The following RIMKLB variants were observed in gnomAD, a reference collection of about 807,000 sequenced individuals.
RIMKLB encodes beta-citrylglutamate synthase B.
A neutral mutation model predicts 32.0 loss-of-function variants in RIMKLB; 7 were observed. The observed-to-expected ratio is 0.22, with a 90% CI of 0.12 to 0.41. The LOEUF (loss-of-function observed/expected upper bound fraction) is 0.41, where lower values mean the gene tolerates loss of function less well. Ranked by LOEUF, RIMKLB falls within the 10% of genes least tolerant of loss-of-function variation. RIMKLB has a pLI of 1.00. For missense variants in RIMKLB, 289 were observed against 498.7 expected (o/e 0.58, Z 4.00); for synonymous variants, 172 against 185.1 (o/e 0.93, Z 0.57).
chr12:8,751,911 T>C (rs1474116294), intron 3 of RIMKLB, 46 bp from the exon 4 acceptor site: 5 of 1,217,058 alleles, frequency 4.1e-6, no homozygotes, highest in Non-Finnish European at 6.1e-6. Flanking sequence ...GATCACAAAA[T>C]ACTTCTGCTG....
At chr12:8,781,965 T>A (rs1951089089), downstream of RIMKLB, among the ~76,000 whole-genome samples, 1 of 152,112 alleles carries the variant, frequency 6.6e-6, no homozygotes, top group Non-Finnish European at 1.5e-5. Context: ...GTATGATCAG[T>A]TGGACAGAAA....
At chr12:8,715,930 A>G (rs1208394216) in intron 2 of RIMKLB, among the ~76,000 whole-genome samples, 2 of 152,198 alleles carry the variant, frequency 1.3e-5, no homozygotes, top group East Asian at 3.8e-4. Context: ...TGCTTGTTCA[A>G]CTTACACAGC....
At chr12:8,780,157 CT>C (rs1950947960), downstream of RIMKLB, 1 of 152,180 alleles carries the variant, frequency 6.6e-6, no homozygotes, top group African/African-American at 2.4e-5. Context: ...CTTTAAAAAA[CT>C]TTTATATTGC....
At chr12:8,743,706 A>G (rs1384422625) in intron 2 of RIMKLB, among the ~76,000 whole-genome samples, 1 of 151,846 alleles carries the variant, frequency 6.6e-6, no homozygotes, top group East Asian at 1.9e-4. Context: ...AACAGCAGCA[A>G]CCTTTTAATA....
At chr12:8,777,649 T>C, downstream of RIMKLB, 1 of 1,289,278 alleles carries the variant, frequency 7.8e-7, no homozygotes, top group Non-Finnish European at 1.0e-6. Context: ...GAGAAAAAAC[T>C]TTCCTTCTTC....
Position 8,736,384 on chromosome 12 carries a change from G to A in RIMKLB, c.176-13478G>A, listed in dbSNP as rs78090002. 9.6e-4 allele frequency among the ~76,000 whole-genome samples: 146 copies of A among 152,074 alleles called. 1 individual carries two copies. In the East Asian group the frequency reaches 0.025, roughly 26 times the overall value. ...GTTGCAAAAATAATACAAATAGCTC[G>A]TATATACTGTTTATTCAGTTTTCAC... On this transcript the variant is annotated intron_variant, in intron 2 of 5. Transcript: ENST00000535829.
At chr12:8,752,133 T>C in intron 4 of RIMKLB, 90 bp downstream of exon 4, 1 of 822,108 alleles carries the variant, frequency 1.2e-6, no homozygotes, top group Non-Finnish European at 2.0e-6. Flanking sequence ...TAGAGGGAAA[T>C]TGTTAGATGC....
At chr12:8,765,420 A>G (rs61187268) in intron 5 of RIMKLB, among the ~76,000 whole-genome samples, 2,101 of 152,222 alleles carry the variant, frequency 0.014, 42 homozygotes, top group African/African-American at 0.046. Context: ...CTGAGATACC[A>G]GAGATCACCA....
Position 8,776,318 on chromosome 12 carries a change from C to T in RIMKLB, c.*2534C>T. 4.3e-6 allele frequency: 4 copies of T among 933,880 alleles called. No homozygotes were observed. The highest frequency in any genetic ancestry group is 5.1e-6 in the Non-Finnish European group (4 of 781,842). 57.8% of individuals were successfully genotyped at this position (933,880 alleles called of 1,614,324 possible). On this transcript the variant is annotated 3_prime_UTR_variant, in exon 6 of 6. Transcript: ENST00000535829. ...CAGTAGTTATCTTAGATTTTAAAAA[C>T]ATGGATATCTTCTTGAATTCCTTCA...
At chr12:8,675,680 C>G in the RIMKLB span, among the ~76,000 whole-genome samples, 5 of 152,268 alleles carry the variant, frequency 3.3e-5, no homozygotes, top group East Asian at 1.9e-4. Context: ...GACAGAGGAG[C>G]CTTTAGCAGG....
Position 8,774,893 on chromosome 12 carries a change from CATGCAT to C in RIMKLB, c.*1110_*1115del. ...GAGTATATGTGTATGTGTGTGCACG[CATGCAT>C]GTGTATGTGTTTTGCTTTTTGTTTC... On this transcript the variant is annotated 3_prime_UTR_variant, in exon 6 of 6. Transcript: ENST00000535829. The C allele has an allele frequency of 1.0e-6, 1 of 985,532 alleles. No individual in the cohort carries two copies. Among genetic ancestry groups the C allele is most frequent in the South Asian group, 4.7e-5 (1 of 21,274 alleles). The allele number at this position is 985,532 out of a possible 1,614,324, so 61.0% of individuals were successfully genotyped here.
rs373258265 is a variant in RIMKLB, at chr12:8,754,030, C to T, written c.634C>T (p.Arg212Cys). The T allele has an allele frequency of 3.7e-6, 6 of 1,613,924 alleles. No homozygotes were observed. The highest frequency in any genetic ancestry group is 4.2e-6 in the Non-Finnish European group (5 of 1,179,894). ...RDVRVIVVGG[R>C]VVGTMLRCST... Reference sequence around the variant, plus strand: ...TGTACGTGTCATTGTCGTGGGAGGCCGTGTGGTTGGCACCATGTTACGTTG... The same window carrying T: ...TGTACGTGTCATTGTCGTGGGAGGCTGTGTGGTTGGCACCATGTTACGTTG... Residue 212 changes from arginine to cysteine, a missense_variant, in exon 5 of 6, where the codon CGT (arginine) becomes TGT (cysteine). By Grantham distance (180) the Arg-to-Cys change is radical. Around this residue, in one of 3 missense-constraint regions of RIMKLB, gnomAD observed 156 missense variants for 329.5 expected, o/e 0.47. Coordinates refer to ENST00000535829, the MANE Select transcript of RIMKLB (RefSeq NM_001297776.2).
intron 2 of RIMKLB, among the ~76,000 whole-genome samples, chr12:8,720,332 A>T (rs2137074231): frequency 6.6e-6 from 1 of 152,250 alleles, no homozygotes; most frequent in Middle Eastern, 3.4e-3. Flanking sequence ...ACAAAGTTGG[A>T]TTCATACTTT....
At chr12:8,729,109 A>G (rs766729731) in intron 2 of RIMKLB, among the ~76,000 whole-genome samples, 28 of 152,200 alleles carry the variant, frequency 1.8e-4, no homozygotes, top group Non-Finnish European at 3.1e-4. Flanking sequence ...ACAACCCTCT[A>G]AAGCCCCAAA....
chr12:8,722,517 G>C (rs1182706258), intron 2 of RIMKLB, among the ~76,000 whole-genome samples: 1 of 152,132 alleles, frequency 6.6e-6, no homozygotes, highest in African/African-American at 2.4e-5. Context: ...AAGAACCCTA[G>C]GATTTTTGGA....
At position 8,775,499 on chromosome 12, in the gene RIMKLB, T is replaced by C; in HGVS notation, c.*1715T>C. ...TCTCCCTACGAATCCTCTGAAGCTT[T>C]TACCCAAGCCCTTTCTTGCCTCTCC... On this transcript the variant is annotated 3_prime_UTR_variant, in exon 6 of 6. Coordinates refer to ENST00000535829, the MANE Select transcript of RIMKLB (RefSeq NM_001297776.2). 1.0e-6 allele frequency: 1 copy of C among 985,796 alleles called. No individual in the cohort carries two copies. Among genetic ancestry groups the C allele is most frequent in the Non-Finnish European group, 1.2e-6 (1 of 829,898 alleles). The allele number at this position is 985,796 out of a possible 1,614,324, so 61.1% of individuals were successfully genotyped here.
chr12:8,779,007 G>A (rs1565440243), downstream of RIMKLB: 1 of 152,158 alleles, frequency 6.6e-6, no homozygotes, highest in Admixed American at 6.5e-5. Context: ...ATATTTATCT[G>A]TTGAATTGGA....
intron 1 of RIMKLB, among the ~76,000 whole-genome samples, chr12:8,710,965 C>CA (rs748394546): frequency 0.091 from 5,712 of 62,704 alleles, 160 homozygotes; most frequent in African/African-American, 0.16. Context: ...ACATCTTTAC[C>CA]AAAAAAAAAA....
In RIMKLB at chr12:8,775,250, T is replaced by C; in HGVS notation, c.*1466T>C. The C allele has an allele frequency of 2.0e-6, 2 of 985,650 alleles. No homozygotes were observed. Among genetic ancestry groups the C allele is most frequent in the Non-Finnish European group, 2.4e-6 (2 of 829,808 alleles). 61.1% of individuals were successfully genotyped at this position (985,650 alleles called of 1,614,324 possible). A position where few individuals can be genotyped will look rare whatever the true frequency, so the allele number is the denominator to read the frequency against. On this transcript the variant is annotated 3_prime_UTR_variant, in exon 6 of 6. Coordinates refer to ENST00000535829, the MANE Select transcript of RIMKLB (RefSeq NM_001297776.2). Reference sequence around the variant, plus strand: ...GGGTTGGATGTTTTTGTTTGGGGACTTATTTAGTAGTATTGAGTCTCTTAT... The same window carrying C: ...GGGTTGGATGTTTTTGTTTGGGGACCTATTTAGTAGTATTGAGTCTCTTAT...
Sources: gnomAD v4.1 joint callset for allele counts (sites outside exome capture counted in the v4.1 genomes callset) on GRCh38, gnomAD v4.1.1 for gene constraint, gnomAD v4.1.1 regional missense constraint, MANE v1.5 for transcripts, NCBI Gene and HGNC (gene_info 2026-07-23, HGNC 2026-07-21) for gene names.